The following PAK5 variants were observed in gnomAD, a reference collection of about 807,000 sequenced individuals.
PAK5 encodes the protein p21 (RAC1) activated kinase 5.
In PAK5, 16 loss-of-function variants were observed where a neutral mutation model predicts 65.9. The ratio of observed to expected loss-of-function variants is 0.24; its 90% CI spans 0.16 to 0.37. PAK5 has a LOEUF of 0.37. Among genes scored for constraint, PAK5 ranks in the 10% least tolerant of loss-of-function variants. PAK5 has a pLI of 1.00. For synonymous variants in PAK5, 371 were observed against 354.9 expected (o/e 1.05, Z -0.51); for missense variants, 785 against 903.9 (o/e 0.87, Z 1.69).
At chr20:9,811,178 T>C (rs1018128253) in intron 1 of PAK5, among the ~76,000 whole-genome samples, 3 of 152,110 alleles carry the variant, frequency 2.0e-5, no homozygotes, top group African/African-American at 7.2e-5. Flanking sequence ...TGGCCAATGA[T>C]CCCCTCCTTA....
chr20:9,805,787 T>C (rs974498700), intron 1 of PAK5, among the ~76,000 whole-genome samples: 13 of 152,214 alleles, frequency 8.5e-5, no homozygotes, highest in African/African-American at 3.1e-4. Flanking sequence ...TTGGGGATTA[T>C]AGAAAATGTT....
At chr20:9,797,404 C>A (rs1297303552) in intron 1 of PAK5, among the ~76,000 whole-genome samples, 2 of 150,328 alleles carry the variant, frequency 1.3e-5, no homozygotes, top group Non-Finnish European at 1.5e-5. Flanking sequence ...GGACAAAAAA[C>A]CAAACACCAC....
At chr20:9,548,972 A>T (rs373179510) in intron 7 of PAK5, among the ~76,000 whole-genome samples, 2 of 152,298 alleles carry the variant, frequency 1.3e-5, no homozygotes, top group African/African-American at 4.8e-5. Context: ...CAGAGAGGTG[A>T]TATTCACAAT....
chr20:9,601,272 G>A (rs532540444), intron 3 of PAK5, among the ~76,000 whole-genome samples: 22 of 152,284 alleles, frequency 1.4e-4, no homozygotes, highest in African/African-American at 5.1e-4. Context: ...CTGGAAATGA[G>A]AGGAAAGCAA....
intron 3 of PAK5, among the ~76,000 whole-genome samples, chr20:9,629,696 A>C (rs959568075): frequency 1.3e-5 from 2 of 152,170 alleles, no homozygotes; most frequent in Non-Finnish European, 2.9e-5. Context: ...CATAGCCTTA[A>C]TTACTTCTTA....
rs2122998990 is a variant in PAK5, at chr20:9,566,219, G to A, written c.1156C>T (p.Pro386Ser). Residue 386 changes from proline (P) to serine (S), a missense_variant, in exon 5 of 10, where the codon CCC (proline) becomes TCC (serine). Pro to Ser is a moderately conservative substitution (Grantham distance 74). This residue lies in a region of PAK5 where 422 missense variants were observed against 413.3 expected (regional missense o/e 1.02). Transcript: ENST00000353224. ...TACTGCGAACTGCTCTGCAGGGAGG[G>A]GTGATGGTACAAGGTGGCTTTGTGG... ...GYHKATLYHH[P>S]SLQSSSQYIS... 6.2e-7 allele frequency: 1 copy of A among 1,613,742 alleles called. No individual in the cohort carries two copies. Among genetic ancestry groups the A allele is most frequent in the Non-Finnish European group, 8.5e-7 (1 of 1,179,916 alleles).
intron 7 of PAK5, among the ~76,000 whole-genome samples, chr20:9,546,025 T>C (rs2045338838): frequency 6.6e-6 from 1 of 152,086 alleles, no homozygotes; most frequent in African/African-American, 2.4e-5. Flanking sequence ...TGAACCTCAA[T>C]CATAAGAAGT....
chr20:9,538,376 T>C lies in PAK5; in HGVS notation c.*1086A>G. 4.3e-6 allele frequency: 1 copy of C among 233,676 alleles called. No homozygotes were observed. The highest frequency in any genetic ancestry group is 8.5e-6 in the Non-Finnish European group (1 of 118,032). The allele number at this position is 233,676 out of a possible 1,614,324, so 14.5% of individuals were successfully genotyped here. On this transcript the variant is annotated 3_prime_UTR_variant, in exon 10 of 10. Transcript: ENST00000353224. ...TAATACTGTGGTACAAAGGTAAATA[T>C]AGACAAGAGTTTGGTGTGCTAGCAT...
At chr20:9,589,493 A>G (rs2046128832) in intron 3 of PAK5, among the ~76,000 whole-genome samples, 1 of 152,144 alleles carries the variant, frequency 6.6e-6, no homozygotes, top group African/African-American at 2.4e-5. Context: ...TGGTAACAAC[A>G]GTGGTTGGGG....
intron 1 of PAK5, among the ~76,000 whole-genome samples, chr20:9,809,942 T>G (rs547863196): frequency 6.6e-6 from 1 of 152,328 alleles, no homozygotes; most frequent in East Asian, 1.9e-4. Flanking sequence ...ATCTTTCCTC[T>G]GACATTCCAT....
chr20:9,592,238 G>A (rs1407844190), intron 3 of PAK5, among the ~76,000 whole-genome samples: 1 of 152,110 alleles, frequency 6.6e-6, no homozygotes, highest in Non-Finnish European at 1.5e-5. Context: ...TACCTGTTGG[G>A]TACAATGTTC....
chr20:9,593,549 G>T (rs541663471), intron 3 of PAK5, among the ~76,000 whole-genome samples: 1 of 152,056 alleles, frequency 6.6e-6, no homozygotes, highest in African/African-American at 2.4e-5. Context: ...TTAGGTATTT[G>T]TCCCAGTGCT....
At chr20:9,663,082 C>A (rs1160758332) in intron 2 of PAK5, among the ~76,000 whole-genome samples, 1 of 152,130 alleles carries the variant, frequency 6.6e-6, no homozygotes, top group Non-Finnish European at 1.5e-5. Flanking sequence ...ATAAAATTAT[C>A]ACATAGTTTA....
At chr20:9,564,032 C>T (rs1030876272) in intron 5 of PAK5, among the ~76,000 whole-genome samples, 1 of 152,158 alleles carries the variant, frequency 6.6e-6, no homozygotes, top group Non-Finnish European at 1.5e-5. Context: ...AGAGGTCAAG[C>T]AGCCGTAGAT....
chr20:9,784,464 A>T (rs2048972410), intron 1 of PAK5: 1 of 152,222 alleles, frequency 6.6e-6, no homozygotes, highest in Admixed American at 6.5e-5. Flanking sequence ...AGGCCCCAGT[A>T]AGAGCCATGG....
intron 1 of PAK5, among the ~76,000 whole-genome samples, chr20:9,758,365 CATGA>C (rs2048659829): frequency 6.6e-6 from 1 of 152,150 alleles, no homozygotes; most frequent in South Asian, 2.1e-4. Context: ...GCATCGAACA[CATGA>C]ATGTTTTCTC....
chr20:9,550,246 G>A (rs72623518), intron 7 of PAK5, among the ~76,000 whole-genome samples: 1 of 152,016 alleles, frequency 6.6e-6, no homozygotes, highest in Non-Finnish European at 1.5e-5. Context: ...CAGCCTGTAG[G>A]GCACCTTTTC....
At chr20:9,676,118 C>A (rs898808065) in intron 2 of PAK5, among the ~76,000 whole-genome samples, 6 of 151,970 alleles carry the variant, frequency 3.9e-5, no homozygotes, top group Admixed American at 2.0e-4. Flanking sequence ...TGGATGGCAG[C>A]AAGTGAAAAA....
rs1189033944 is a variant in PAK5 at position 9,705,035 on chromosome 20, A to AT, written c.-12+6250dup. Among the ~76,000 whole-genome samples, 8 of 152,182 alleles carry AT rather than the reference A, an allele frequency of 5.3e-5. No homozygotes were observed. In the South Asian group the frequency reaches 1.7e-3, roughly 32 times the overall value. ...AAGAGGTAGTTTTATGTCTAGAGGC[A>AT]TTTTTTATTTTCATTACTTGGGGGT... is the stretch of plus-strand genomic sequence containing the variant. On this transcript the variant is annotated intron_variant, in intron 2 of 9. Coordinates refer to ENST00000353224, the MANE Select transcript of PAK5 (RefSeq NM_177990.4).
Sources: gnomAD v4.1 joint callset for allele counts (sites outside exome capture counted in the v4.1 genomes callset) on GRCh38, gnomAD v4.1.1 for gene constraint, gnomAD v4.1.1 regional missense constraint, MANE v1.5 for transcripts, NCBI Gene and HGNC (gene_info 2026-07-23, HGNC 2026-07-21) for gene names.